Variants in IYD observed in about 807,000 individuals in gnomAD.
IYD encodes iodotyrosine deiodinase 1.
In IYD, 25 loss-of-function variants were observed where a neutral mutation model predicts 28.4. The observed-to-expected ratio is 0.88, with a 90% CI of 0.64 to 1.23. The LOEUF (loss-of-function observed/expected upper bound fraction) is 1.23. Among genes scored for constraint, IYD ranks in the 50% most tolerant of loss-of-function variants. IYD has a pLI of 0.00. For missense variants in IYD, 352 were observed against 357.9 expected (o/e 0.98, Z 0.13); for synonymous variants, 140 against 130.8 (o/e 1.07, Z -0.48).
rs1423331605 is a variant in IYD at position 150,400,240 on chromosome 6, G to T, written c.*2003G>T. On this transcript the variant is annotated 3_prime_UTR_variant, in exon 5 of 5. Coordinates refer to ENST00000344419, the MANE Select transcript of IYD (RefSeq NM_203395.3). ...AGATTTTTTTCTCTGTGTAGTTCGT[G>T]TTATCAATCTGATCTGCAGCCAGGT... 2 of 152,174 alleles carry T rather than the reference G, an allele frequency of 1.3e-5. No individual in the cohort carries two copies. The highest frequency in any genetic ancestry group is 2.9e-5 in the Non-Finnish European group (2 of 68,032). 9.4% of individuals were successfully genotyped at this position (152,174 alleles called of 1,614,324 possible).
chr6:150,381,222 T>C (rs751969872), intron 1 of IYD, among the ~76,000 whole-genome samples: 2 of 152,212 alleles, frequency 1.3e-5, no homozygotes, highest in Non-Finnish European at 2.9e-5. Context: ...AAAATATTGG[T>C]TTTGCTATTG....
chr6:150,400,041 C>T lies in IYD; in HGVS notation c.*1804C>T, dbSNP rs544793302. 6.6e-6 allele frequency: 1 copy of T among 152,338 alleles called. No homozygotes were observed. The highest frequency in any genetic ancestry group is 6.5e-5 in the Admixed American group (1 of 15,296). The allele number at this position is 152,338 out of a possible 1,614,324, so 9.4% of individuals were successfully genotyped here. A position where few individuals can be genotyped will look rare whatever the true frequency, so the allele number is the denominator to read the frequency against. On this transcript the variant is annotated 3_prime_UTR_variant, in exon 5 of 5. Transcript: ENST00000344419. ...GTGGGGGCCCTTACTGTGGTAGAAA[C>T]CATTGTCACTGCAAGGCAGCCCTGC... is the stretch of plus-strand genomic sequence containing the variant.
chr6:150,393,309 C>T (rs1778194576), intron 3 of IYD, among the ~76,000 whole-genome samples: 1 of 152,170 alleles, frequency 6.6e-6, no homozygotes, highest in Non-Finnish European at 1.5e-5. Flanking sequence ...ACCATTTTCC[C>T]TCTTTATAGG....
intron 4 of IYD, chr6:150,397,010 T>C (rs1778349100): frequency 6.6e-6 from 1 of 152,366 alleles, no homozygotes; most frequent in Admixed American, 6.5e-5. Flanking sequence ...TTTTGATGCA[T>C]GTATTCTTGA....
chr6:150,376,862 T>C (rs759638270), intron 1 of IYD, among the ~76,000 whole-genome samples: 1 of 152,078 alleles, frequency 6.6e-6, no homozygotes, highest in African/African-American at 2.4e-5. Context: ...GCTCAAGCAA[T>C]CCTCCTACCT....
At chr6:150,395,893 G>A in intron 4 of IYD, 1 of 555,252 alleles carries the variant, frequency 1.8e-6, no homozygotes, top group Non-Finnish European at 3.2e-6. Context: ...GAGGTCGATG[G>A]GGTACCCCTT....
At chr6:150,396,536 G>T in intron 4 of IYD, 1 of 675,146 alleles carries the variant, frequency 1.5e-6, no homozygotes, top group Non-Finnish European at 2.6e-6. Flanking sequence ...AAAGGACCAA[G>T]ATATAAAATG....
rs1377405550 is a variant in IYD, at chr6:150,399,568, T to C, written c.*1331T>C. 2 of 152,374 alleles carry C rather than the reference T, an allele frequency of 1.3e-5. No individual in the cohort carries two copies. The highest frequency in any genetic ancestry group is 4.8e-5 in the African/African-American group (2 of 41,566). 9.4% of individuals were successfully genotyped at this position (152,374 alleles called of 1,614,324 possible). On this transcript the variant is annotated 3_prime_UTR_variant, in exon 5 of 5. Transcript: ENST00000344419. ...TCAAGCAACTCTACTCACCTCTTTTTCCCCTTTCCCTGTGCGTTTCTTCTT... is the reference window on the plus strand; with the variant it reads ...TCAAGCAACTCTACTCACCTCTTTTCCCCCTTTCCCTGTGCGTTTCTTCTT...
At chr6:150,380,265 C>T (rs1777599914) in intron 1 of IYD, among the ~76,000 whole-genome samples, 1 of 152,120 alleles carries the variant, frequency 6.6e-6, no homozygotes, top group East Asian at 1.9e-4. Flanking sequence ...TAATCATACC[C>T]ACCAGAGATT....
chr6:150,374,700 G>T (rs1777382860), intron 1 of IYD, among the ~76,000 whole-genome samples: 1 of 152,196 alleles, frequency 6.6e-6, no homozygotes, highest in South Asian at 2.1e-4. Flanking sequence ...AATTATGGGA[G>T]CTACAATTCA....
intron 1 of IYD, among the ~76,000 whole-genome samples, chr6:150,380,604 C>T (rs1000414924): frequency 1.3e-5 from 2 of 152,074 alleles, no homozygotes; most frequent in African/African-American, 4.8e-5. Flanking sequence ...AGGCCAATTC[C>T]CTCTCAAAGA....
At chr6:150,373,778 G>A (rs1158430015) in intron 1 of IYD, among the ~76,000 whole-genome samples, 4 of 152,124 alleles carry the variant, frequency 2.6e-5, no homozygotes, top group Non-Finnish European at 5.9e-5. Flanking sequence ...TCAGAGAGTC[G>A]AGCTTGATCA....
intron 1 of IYD, among the ~76,000 whole-genome samples, chr6:150,386,497 G>A (rs1582787807): frequency 6.6e-6 from 1 of 151,684 alleles, no homozygotes; most frequent in African/African-American, 2.4e-5. Flanking sequence ...AATGTGTTCT[G>A]TAGTTGTTTG....
chr6:150,392,373 G>T lies in IYD; in HGVS notation c.399G>T (p.Glu133Asp), dbSNP rs2115053419. Residue 133 changes from glutamate (E) to aspartate (D), a missense_variant, in exon 3 of 5, where the codon GAG becomes GAT. Physicochemically the swap from Glu to Asp is conservative, Grantham distance 45. Coordinates refer to ENST00000344419, the MANE Select transcript of IYD (RefSeq NM_203395.3). ...CAGCCCCGAGTGGGGCTCACACAGA[G>T]CCCTGGACCTTCGTGGTTGTGAAGG... ...AGTAPSGAHT[E>D]PWTFVVVKDP... The T allele has an allele frequency of 6.2e-7, 1 of 1,613,702 alleles. No individual in the cohort carries two copies. The highest frequency in any genetic ancestry group is 2.2e-5 in the East Asian group (1 of 44,878).
In IYD at chr6:150,369,166, T is replaced by A. The variant is rs1777130661; in HGVS notation, c.135T>A (p.Asp45Glu). The A allele has an allele frequency of 6.2e-7, 1 of 1,613,666 alleles. No individual in the cohort carries two copies. ...RTRAEARPWV[D>E]EDLKDSSDLH... ...GGGCCGAAGCTCGCCCCTGGGTGGA[T>A]GAAGACTTAAAAGACAGCAGTGACC... The change falls in exon 1 of 5, where the codon GAT (aspartate) becomes GAA (glutamate). Residue 45 changes from aspartate (D) to glutamate (E), a missense_variant. Transcript: ENST00000344419.
At chr6:150,394,377 C>G in intron 4 of IYD, 122 bp downstream of exon 4, 1 of 1,049,826 alleles carries the variant, frequency 9.5e-7, no homozygotes, top group Non-Finnish European at 1.4e-6. Flanking sequence ...TGAGGTAACT[C>G]TGATGTGAAA....
intron 4 of IYD, chr6:150,395,813 G>T (rs1185403266): frequency 3.3e-6 from 2 of 614,648 alleles, no homozygotes; most frequent in East Asian, 5.5e-5. Context: ...CTGGAGAGGG[G>T]CAGGCGGGGA....
rs587713 is a variant in IYD, at chr6:150,400,093, G to A, written c.*1856G>A. On this transcript the variant is annotated 3_prime_UTR_variant, in exon 5 of 5. Coordinates refer to ENST00000344419, the MANE Select transcript of IYD (RefSeq NM_203395.3). ...TGGGATTCAGGTGAACAAATGTAACGTGGGTGGGTGAGGGACTCCCTCCTC... is the reference window on the plus strand; with the variant it reads ...TGGGATTCAGGTGAACAAATGTAACATGGGTGGGTGAGGGACTCCCTCCTC... The A allele has an allele frequency of 0.69, 104,624 of 152,088 alleles. 37,934 individuals are homozygous for A. The highest frequency in any genetic ancestry group is 0.83 in the Non-Finnish European group (56,231 of 68,040). The allele number at this position is 152,088 out of a possible 1,614,324, so 9.4% of individuals were successfully genotyped here.
At chr6:150,380,748 T>C (rs1325230852) in intron 1 of IYD, among the ~76,000 whole-genome samples, 1 of 152,100 alleles carries the variant, frequency 6.6e-6, no homozygotes, top group Non-Finnish European at 1.5e-5. Flanking sequence ...AATCAACCTT[T>C]GTTTCTGTTT....
Sources: allele counts gnomAD v4.1 joint callset (sites outside exome capture counted in the v4.1 genomes callset), GRCh38; gene constraint gnomAD v4.1.1; transcripts MANE v1.5; gene names NCBI Gene and HGNC (gene_info 2026-07-23, HGNC 2026-07-21).